SYNPR: variants seen among roughly 807,000 people sequenced by gnomAD.
The protein encoded by SYNPR is synaptoporin.
SYNPR carries 23 observed loss-of-function variants against 32.9 expected under a neutral mutation model. The ratio of observed to expected loss-of-function variants is 0.70; its 90% confidence interval spans 0.50 to 0.99. The LOEUF is 0.99. SYNPR is among the 50% of genes least tolerant of loss of function. The pLI, the probability that SYNPR is intolerant of heterozygous loss-of-function variation, is 0.00. For missense variants in SYNPR, 318 were observed against 349.3 expected (o/e 0.91, Z 0.71); for synonymous variants, 146 against 135.9 (o/e 1.07, Z -0.52).
chr3:63,588,042 A>T (rs1703222451), intron 4 of SYNPR, among the ~76,000 whole-genome samples: 2 of 152,100 alleles, frequency 1.3e-5, no homozygotes, highest in Non-Finnish European at 2.9e-5. Flanking sequence ...ATTACTTTGA[A>T]TTGTATAATA....
chr3:63,228,568 C>G (rs992627123), intron 1 of SYNPR, among the ~76,000 whole-genome samples: 8 of 152,022 alleles, frequency 5.3e-5, no homozygotes, highest in African/African-American at 1.7e-4. Flanking sequence ...TAGTTTCTAC[C>G]TTTCTCCTTA....
chr3:63,615,385 A>T lies in SYNPR; in HGVS notation c.762A>T (p.Ser254=). Residue 254 remains serine, a synonymous_variant, in exon 6 of 6, where the codon TCA becomes TCT. Transcript: ENST00000478300. ...GTTACAACCAAGACAGCTATGGATC[A>T]AGCAGTGGGTACAGTCAGCAGGCGA... ...QGGYNQDSYG[S]SSGYSQQASL... 1.2e-6 allele frequency: 2 copies of T among 1,613,960 alleles called. No homozygotes were observed. Among genetic ancestry groups the T allele is most frequent in the Non-Finnish European group, 1.7e-6 (2 of 1,179,880 alleles).
At chr3:63,595,452 G>A (rs1004925577) in intron 4 of SYNPR, among the ~76,000 whole-genome samples, 1 of 151,368 alleles carries the variant, frequency 6.6e-6, no homozygotes, top group East Asian at 2.0e-4. Flanking sequence ...AAAGTCTAGG[G>A]GATTAGTGGG....
intron 2 of SYNPR, among the ~76,000 whole-genome samples, chr3:63,340,607 G>A (rs1361863942): frequency 1.3e-5 from 2 of 151,596 alleles, no homozygotes; most frequent in Non-Finnish European, 2.9e-5. Context: ...TTTTAGTAGA[G>A]ACGGGGTTTC....
At chr3:63,467,342 T>G (rs1189151211) in intron 2 of SYNPR, among the ~76,000 whole-genome samples, 1 of 152,238 alleles carries the variant, frequency 6.6e-6, no homozygotes, top group African/African-American at 2.4e-5. Flanking sequence ...ATTAATTCCT[T>G]AATTTACCAG....
chr3:63,259,227 C>A (rs935613813), intron 2 of SYNPR, among the ~76,000 whole-genome samples: 1 of 152,158 alleles, frequency 6.6e-6, no homozygotes, highest in Non-Finnish European at 1.5e-5. Flanking sequence ...TTTTATGAGG[C>A]CAGCATCATC....
chr3:63,376,674 G>A (rs1268800757), intron 2 of SYNPR, among the ~76,000 whole-genome samples: 2 of 152,064 alleles, frequency 1.3e-5, no homozygotes, highest in African/African-American at 4.8e-5. Flanking sequence ...AGATTCTTCT[G>A]AGAAGAAGGC....
chr3:63,567,435 A>C (rs999327247), intron 4 of SYNPR, among the ~76,000 whole-genome samples: 1 of 152,152 alleles, frequency 6.6e-6, no homozygotes, highest in Non-Finnish European at 1.5e-5. Flanking sequence ...GAAAGTTGTG[A>C]GATCTTCCCC....
At chr3:63,360,587 A>G (rs2087644156) in intron 2 of SYNPR, among the ~76,000 whole-genome samples, 1 of 151,972 alleles carries the variant, frequency 6.6e-6, no homozygotes, top group South Asian at 2.1e-4. Context: ...TACATCTCCA[A>G]ACTCCTTACG....
At chr3:63,475,003 G>T (rs1423310155) in intron 2 of SYNPR, among the ~76,000 whole-genome samples, 1 of 152,168 alleles carries the variant, frequency 6.6e-6, no homozygotes, top group Non-Finnish European at 1.5e-5. Context: ...TATTCCGTGT[G>T]TGGTTCTATT....
At chr3:63,409,781 A>G (rs1230373901) in intron 2 of SYNPR, among the ~76,000 whole-genome samples, 2 of 152,162 alleles carry the variant, frequency 1.3e-5, no homozygotes, top group Non-Finnish European at 2.9e-5. Flanking sequence ...TGTCCATTAT[A>G]TATTTCAAGC....
intron 2 of SYNPR, among the ~76,000 whole-genome samples, chr3:63,394,822 T>C (rs2088190515): frequency 6.6e-6 from 1 of 152,204 alleles, no homozygotes; most frequent in Non-Finnish European, 1.5e-5. Flanking sequence ...ATTATTCTTT[T>C]AGAAAATTTT....
intron 3 of SYNPR, among the ~76,000 whole-genome samples, chr3:63,484,678 G>A (rs1701111738): frequency 6.6e-6 from 1 of 152,186 alleles, no homozygotes; most frequent in African/African-American, 2.4e-5. Flanking sequence ...TCATTACACA[G>A]ATTCTGTGAA....
At chr3:63,583,533 G>A (rs1037010825) in intron 4 of SYNPR, among the ~76,000 whole-genome samples, 3 of 152,106 alleles carry the variant, frequency 2.0e-5, no homozygotes. Context: ...ATTTTATAAT[G>A]AGTTAGTCCA....
intron 2 of SYNPR, among the ~76,000 whole-genome samples, chr3:63,337,311 C>T (rs529148439): frequency 6.9e-6 from 1 of 144,116 alleles, no homozygotes; most frequent in Non-Finnish European, 1.5e-5. Flanking sequence ...ACAATAAGAA[C>T]TACATACCTA....
chr3:63,504,058 T>C (rs1701538613), intron 3 of SYNPR, among the ~76,000 whole-genome samples: 2 of 152,176 alleles, frequency 1.3e-5, no homozygotes, highest in Non-Finnish European at 2.9e-5. Context: ...TTTCCAAATC[T>C]TTAGCAAGTA....
At chr3:63,571,936 T>C (rs1702894664) in intron 4 of SYNPR, among the ~76,000 whole-genome samples, 1 of 152,188 alleles carries the variant, frequency 6.6e-6, no homozygotes, top group African/African-American at 2.4e-5. Context: ...GGACTGGTTT[T>C]GCTATCCCTG....
chr3:63,531,567 C>T (rs4343620), intron 3 of SYNPR, among the ~76,000 whole-genome samples: 3,252 of 152,240 alleles, frequency 0.021, 99 homozygotes, highest in African/African-American at 0.07. Context: ...AATGACCTCG[C>T]TTCCATATAA....
chr3:63,298,299 T>A (rs574763315), intron 2 of SYNPR, among the ~76,000 whole-genome samples: 14 of 152,296 alleles, frequency 9.2e-5, no homozygotes, highest in African/African-American at 3.4e-4. Context: ...TGGTTTCATC[T>A]TCATCTCTCC....
Sources: gnomAD v4.1 joint callset for allele counts (sites outside exome capture counted in the v4.1 genomes callset) on GRCh38, gnomAD v4.1.1 for gene constraint, MANE v1.5 for transcripts, NCBI Gene and HGNC (gene_info 2026-07-23, HGNC 2026-07-21) for gene names.